The following ATPAF1 variants were observed in gnomAD, a reference collection of about 807,000 sequenced individuals.
ATPAF1 encodes homolog of yeast ATP11.
ATPAF1 carries 26 observed loss-of-function variants against 43.9 expected under a neutral mutation model. That is an observed-to-expected ratio of 0.59 (90% CI 0.43 to 0.82). The LOEUF (loss-of-function observed/expected upper bound fraction) is 0.82, where lower values mean the gene tolerates loss of function less well. Ranked by LOEUF, ATPAF1 falls within the 40% of genes least tolerant of loss-of-function variation. ATPAF1 has a pLI of 0.00. For synonymous variants in ATPAF1, 157 were observed against 168.0 expected, an observed-to-expected ratio of 0.93 and a Z score of 0.50; for missense variants, 366 against 435.0, an observed-to-expected ratio of 0.84 and a Z score of 1.41.
intron 8 of ATPAF1, among the ~76,000 whole-genome samples, 182 bp downstream of exon 8, chr1:46,643,012 G>A (rs1675976521): frequency 6.6e-6 from 1 of 152,202 alleles, no homozygotes; most frequent in Non-Finnish European, 1.5e-5. Context: ...AATGATTGAG[G>A]ATCTGTACTA....
chr1:46,641,349 G>C (rs1675946152), intron 8 of ATPAF1, among the ~76,000 whole-genome samples: 1 of 126,768 alleles, frequency 7.9e-6, no homozygotes, highest in African/African-American at 2.7e-5. Context: ...AAAATGCTGG[G>C]ATTACAAGCA....
chr1:46,642,599 T>C (rs1675969137), intron 8 of ATPAF1, among the ~76,000 whole-genome samples: 1 of 152,174 alleles, frequency 6.6e-6, no homozygotes, highest in Non-Finnish European at 1.5e-5. Context: ...ATGATGAATG[T>C]TGTATAAATG....
rs187400563 is a variant in ATPAF1 at position 46,665,706 on chromosome 1, C to G, written c.267-342G>C. 8.5e-6 allele frequency: 13 copies of G among 1,531,956 alleles called. No individual in the cohort carries two copies. The Admixed American group carries it at 2.6e-4, about 31-fold the overall frequency. 94.9% of individuals were successfully genotyped at this position (1,531,956 alleles called of 1,614,324 possible). On this transcript the variant is annotated intron_variant, in intron 1 of 8. Transcript: ENST00000574428. ...TGGATCACCTCTTCAGACAAGAATC[C>G]TATAGCCTCCTTACTAGGTGTCAAG...
At chr1:46,640,094 T>C (rs1197303955) in intron 8 of ATPAF1, among the ~76,000 whole-genome samples, 1 of 152,208 alleles carries the variant, frequency 6.6e-6, no homozygotes, top group Non-Finnish European at 1.5e-5. Context: ...TTAGGACTCA[T>C]AATTCTTACT....
At chr1:46,639,235 TACAC>T (rs57111258) in intron 8 of ATPAF1, among the ~76,000 whole-genome samples, 1 of 150,994 alleles carries the variant, frequency 6.6e-6, no homozygotes, top group South Asian at 2.1e-4. Flanking sequence ...TATACACACA[TACAC>T]ACACACACAC....
At chr1:46,656,719 C>T (rs1676280100) in intron 4 of ATPAF1, among the ~76,000 whole-genome samples, 1 of 152,170 alleles carries the variant, frequency 6.6e-6, no homozygotes, top group African/African-American at 2.4e-5. Context: ...GATCAGGCCT[C>T]CTGGGCCTGG....
intron 8 of ATPAF1, among the ~76,000 whole-genome samples, chr1:46,639,827 T>C (rs1675914647): frequency 6.6e-6 from 1 of 152,168 alleles, no homozygotes; most frequent in Non-Finnish European, 1.5e-5. Flanking sequence ...TTGTATGCTG[T>C]CAAATGTTAA....
rs1177386026 is a variant in ATPAF1, at chr1:46,668,239, C to T, written c.84G>A (p.Ala28=). 2 of 1,370,560 alleles carry T rather than the reference C, an allele frequency of 1.5e-6. No individual in the cohort carries two copies. Among genetic ancestry groups the T allele is most frequent in the Non-Finnish European group, 1.9e-6 (2 of 1,060,282 alleles). The allele number at this position is 1,370,560 out of a possible 1,614,324, so 84.9% of individuals were successfully genotyped here. Reference sequence around the variant, plus strand: ...CCAGGCCCAGGGCGCGGCTGCGCACCGCGCACAGGCCCCGGTAGAGACCGG... The same window carrying T: ...CCAGGCCCAGGGCGCGGCTGCGCACTGCGCACAGGCCCCGGTAGAGACCGG... The change falls in exon 1 of 9, where the codon GCG becomes GCA. Residue 28 remains alanine, a synonymous_variant. Transcript: ENST00000574428. The surrounding 1 kb of genome is among the most constrained non-coding windows in gnomAD (Gnocchi z 4.4).
chr1:46,639,554 T>C (rs1306182974), intron 8 of ATPAF1, among the ~76,000 whole-genome samples: 1 of 152,214 alleles, frequency 6.6e-6, no homozygotes, highest in Non-Finnish European at 1.5e-5. Flanking sequence ...ATTCCATTAG[T>C]TTTTAGCATT....
downstream of ATPAF1, chr1:46,633,662 C>A: frequency 2.2e-6 from 1 of 446,636 alleles, no homozygotes; most frequent in South Asian, 1.6e-5. Context: ...TAGTCATGCC[C>A]CACACATTTA....
exon 9 of ATPAF1, chr1:46,635,636 G>T: frequency 1.4e-6 from 1 of 735,342 alleles, no homozygotes; most frequent in Non-Finnish European, 2.2e-6. Context: ...TCATCTCTGT[G>T]ACTGCTTGCG....
intron 2 of ATPAF1, among the ~76,000 whole-genome samples, chr1:46,662,949 C>T (rs2148826538): frequency 6.6e-6 from 1 of 152,022 alleles, no homozygotes; most frequent in East Asian, 1.9e-4. Context: ...GACCCCACAA[C>T]AGGCCCCAGT....
chr1:46,648,152 G>A (rs912617642), intron 6 of ATPAF1, among the ~76,000 whole-genome samples: 1 of 152,094 alleles, frequency 6.6e-6, no homozygotes, highest in African/African-American at 2.4e-5. Flanking sequence ...CACTCTGTCA[G>A]CTAGTCTGGA....
intron 8 of ATPAF1, among the ~76,000 whole-genome samples, chr1:46,639,200 T>C (rs1054610890): frequency 6.7e-6 from 1 of 150,228 alleles, no homozygotes; most frequent in African/African-American, 2.4e-5. Context: ...GCCAAATCTC[T>C]AAACAAAAAC....
chr1:46,635,810 T>A, exon 9 of ATPAF1: 5 of 1,614,208 alleles, frequency 3.1e-6, no homozygotes, highest in Non-Finnish European at 4.2e-6. Context: ...ACATTTCAGT[T>A]CTGCTCCAAG....
intron 8 of ATPAF1, 119 bp downstream of exon 8, chr1:46,643,074 TA>T: frequency 1.3e-6 from 1 of 773,668 alleles, no homozygotes; most frequent in South Asian, 1.7e-5. Context: ...AACTTTAAAA[TA>T]AGTAAGAAAC....
chr1:46,639,459 G>A (rs1255616031), intron 8 of ATPAF1, among the ~76,000 whole-genome samples: 1 of 152,136 alleles, frequency 6.6e-6, no homozygotes, highest in Non-Finnish European at 1.5e-5. Flanking sequence ...AGAACCTTCT[G>A]CATGTCTATC....
chr1:46,667,567 T>C (rs765163582), intron 1 of ATPAF1, among the ~76,000 whole-genome samples: 5 of 152,150 alleles, frequency 3.3e-5, no homozygotes, highest in Non-Finnish European at 5.9e-5. Flanking sequence ...GAGGGTTCAA[T>C]GGGTGATCCG....
Position 46,645,375 on chromosome 1 carries a change from T to C in ATPAF1, c.589-119A>G, listed in dbSNP as rs138766895. ...ATTTGGTTTTTAAAATATTTTTTTA[T>C]TTTTTTGAGACAGGTTCTCGCTCTG... On this transcript the variant is annotated intron_variant, in intron 6 of 8. Transcript: ENST00000574428. 7.4e-6 allele frequency: 6 copies of C among 816,168 alleles called. No individual in the cohort carries two copies. The African/African-American group carries it at 1.0e-4, about 14-fold the overall frequency. The allele number at this position is 816,168 out of a possible 1,614,324, so 50.6% of individuals were successfully genotyped here. A position where few individuals can be genotyped will look rare whatever the true frequency, so the allele number is the denominator to read the frequency against.
Sources: allele counts gnomAD v4.1 joint callset (sites outside exome capture counted in the v4.1 genomes callset), GRCh38; gene constraint gnomAD v4.1.1; non-coding constraint Gnocchi (gnomAD v3.1); transcripts MANE v1.5; gene names NCBI Gene and HGNC (gene_info 2026-07-23, HGNC 2026-07-21).